The following CCDC178 variants were observed in gnomAD, a reference collection of about 807,000 sequenced individuals.
The protein encoded by CCDC178 is coiled-coil domain containing 178, also known as coiled-coil domain-containing protein 178.
In CCDC178, 126 loss-of-function variants were observed where a neutral mutation model predicts 117.4. That is an observed-to-expected ratio of 1.07 (90% CI 0.93 to 1.24). The LOEUF (loss-of-function observed/expected upper bound fraction) is 1.24, where lower values mean the gene tolerates loss of function less well. Among genes scored for constraint, CCDC178 ranks in the 50% most tolerant of loss-of-function variants. CCDC178 has a pLI of 0.00. For missense variants in CCDC178, 1,030 were observed against 986.9 expected, an observed-to-expected ratio of 1.04 and a Z score of -0.59; for synonymous variants, 283 against 313.4, an observed-to-expected ratio of 0.90 and a Z score of 1.02.
intron 21 of CCDC178, among the ~76,000 whole-genome samples, chr18:33,027,424 A>G (rs1411134325): frequency 6.6e-6 from 1 of 151,730 alleles, no homozygotes; most frequent in Admixed American, 6.6e-5. Context: ...TTAGAACTAG[A>G]AACAGTCACA....
intron 6 of CCDC178, among the ~76,000 whole-genome samples, chr18:33,367,201 A>C (rs2063221092): frequency 6.6e-6 from 1 of 152,124 alleles, no homozygotes; most frequent in Admixed American, 6.6e-5. Flanking sequence ...AAGCAGGCAC[A>C]GAAAGACAAG....
chr18:33,217,156 A>G (rs1201768974), intron 18 of CCDC178, among the ~76,000 whole-genome samples: 1 of 152,042 alleles, frequency 6.6e-6, no homozygotes, highest in East Asian at 1.9e-4. Context: ...ATTTTTGGTT[A>G]TGGTTGCAAG....
chr18:33,202,391 T>TAAAAAAAAAAAA (rs60997290), intron 20 of CCDC178, among the ~76,000 whole-genome samples: 1 of 20,256 alleles, frequency 4.9e-5, no homozygotes, highest in Non-Finnish European at 9.4e-5. Flanking sequence ...GACTCCATCT[T>TAAAAAAAAAAAA]AAAAAAAAAA....
intron 20 of CCDC178, among the ~76,000 whole-genome samples, chr18:33,149,770 A>C (rs180887759): frequency 2.0e-5 from 3 of 152,310 alleles, no homozygotes; most frequent in Non-Finnish European, 2.9e-5. Flanking sequence ...AAGAAAATTA[A>C]ACACTATGTA....
At chr18:33,033,662 C>T (rs1351950904) in intron 21 of CCDC178, among the ~76,000 whole-genome samples, 1 of 152,086 alleles carries the variant, frequency 6.6e-6, no homozygotes, top group Non-Finnish European at 1.5e-5. Context: ...ACCCGACTTT[C>T]GCTAATCTTT....
At chr18:33,318,453 T>C (rs149011902) in intron 11 of CCDC178, among the ~76,000 whole-genome samples, 2 of 152,232 alleles carry the variant, frequency 1.3e-5, no homozygotes, top group African/African-American at 4.8e-5. Flanking sequence ...CAAAAGGAAA[T>C]GATTTAAATA....
chr18:32,979,564 G>C (rs754154164), intron 21 of CCDC178, among the ~76,000 whole-genome samples: 1 of 152,064 alleles, frequency 6.6e-6, no homozygotes, highest in African/African-American at 2.4e-5. Context: ...ATTAAAAATG[G>C]GCAAGATTTT....
At chr18:33,076,124 A>C (rs978065800) in intron 21 of CCDC178, among the ~76,000 whole-genome samples, 2 of 152,196 alleles carry the variant, frequency 1.3e-5, no homozygotes, top group African/African-American at 4.8e-5. Flanking sequence ...TAACGTAGTA[A>C]AGAATCATCA....
intron 20 of CCDC178, among the ~76,000 whole-genome samples, chr18:33,127,236 T>C (rs972326848): frequency 1.3e-5 from 2 of 152,128 alleles, no homozygotes; most frequent in Non-Finnish European, 2.9e-5. Context: ...GGATTCTCTG[T>C]GGACTCCTAA....
intron 14 of CCDC178, among the ~76,000 whole-genome samples, chr18:33,260,956 T>C (rs1339472868): frequency 1.3e-5 from 2 of 152,226 alleles, no homozygotes; most frequent in African/African-American, 4.8e-5. Flanking sequence ...ATTTTACATA[T>C]TGAGCTCTAT....
chr18:33,190,892 C>T (rs796132096), intron 20 of CCDC178, among the ~76,000 whole-genome samples: 4 of 152,224 alleles, frequency 2.6e-5, no homozygotes, highest in African/African-American at 9.6e-5. Flanking sequence ...TTTCAATGAA[C>T]ATCCCAATAG....
intron 5 of CCDC178, among the ~76,000 whole-genome samples, chr18:33,377,466 T>C (rs1453857548): frequency 6.6e-6 from 1 of 152,226 alleles, no homozygotes; most frequent in Non-Finnish European, 1.5e-5. Flanking sequence ...CACTTGTCAA[T>C]GTTTTGTTTT....
Position 33,429,242 on chromosome 18 carries a change from T to C in CCDC178, c.-23+10720A>G, listed in dbSNP as rs1169059352. 2.6e-5 allele frequency among the ~76,000 whole-genome samples: 4 copies of C among 151,556 alleles called. No individual in the cohort carries two copies. In the East Asian group the frequency reaches 7.8e-4, roughly 30 times the overall value. On this transcript the variant is annotated intron_variant, in intron 2 of 22. Transcript: ENST00000383096. ...AAAATCAGTAATTAAAAATGAAATA[T>C]CCAAACAGAAAAGATGAACTAACGA...
At chr18:33,023,440 A>T (rs556220967) in intron 21 of CCDC178, among the ~76,000 whole-genome samples, 3 of 152,210 alleles carry the variant, frequency 2.0e-5, no homozygotes, top group Non-Finnish European at 4.4e-5. Context: ...ATCCAGAAAC[A>T]CTTGGAAAAT....
At chr18:32,999,304 C>T (rs2055582891) in intron 21 of CCDC178, among the ~76,000 whole-genome samples, 1 of 152,106 alleles carries the variant, frequency 6.6e-6, no homozygotes, top group African/African-American at 2.4e-5. Context: ...GTTTTGCATG[C>T]CAGCTCAGTC....
At chr18:32,942,041 C>A (rs945405280) in intron 22 of CCDC178, among the ~76,000 whole-genome samples, 3 of 152,052 alleles carry the variant, frequency 2.0e-5, no homozygotes, top group Non-Finnish European at 2.9e-5. Context: ...CCATCCCACC[C>A]AGTTGATCAC....
At chr18:33,320,369 T>A (rs1174633455) in intron 11 of CCDC178, among the ~76,000 whole-genome samples, 1 of 152,178 alleles carries the variant, frequency 6.6e-6, no homozygotes, top group Non-Finnish European at 1.5e-5. Flanking sequence ...AAAATCTCCT[T>A]AAGCTGATAA....
At chr18:33,432,361 T>C (rs2064231555) in intron 2 of CCDC178, among the ~76,000 whole-genome samples, 1 of 152,082 alleles carries the variant, frequency 6.6e-6, no homozygotes. Flanking sequence ...AGTATATTAG[T>C]AGAGCCTAAA....
At chr18:33,108,175 T>C (rs1276006875) in intron 20 of CCDC178, among the ~76,000 whole-genome samples, 1 of 151,662 alleles carries the variant, frequency 6.6e-6, no homozygotes, top group Non-Finnish European at 1.5e-5. Flanking sequence ...TCATATATTA[T>C]ATGCATGGAA....
Sources: gnomAD v4.1 joint callset for allele counts (sites outside exome capture counted in the v4.1 genomes callset) on GRCh38, gnomAD v4.1.1 for gene constraint, MANE v1.5 for transcripts, NCBI Gene and HGNC (gene_info 2026-07-23, HGNC 2026-07-21) for gene names.